The following RCOR2 variants were observed in gnomAD, a reference collection of about 807,000 sequenced individuals.
RCOR2 encodes REST corepressor 2.
A neutral mutation model predicts 58.9 loss-of-function variants in RCOR2; 19 were observed. That is an observed-to-expected ratio of 0.32 (90% confidence interval 0.23 to 0.47). The LOEUF is 0.47. Among genes scored for constraint, RCOR2 ranks in the 20% least tolerant of loss-of-function variants. The probability of loss-of-function intolerance (pLI) is 1.00; values close to 1 mark genes in which losing one functional copy is unlikely to be tolerated. For missense variants in RCOR2, 590 were observed against 707.9 expected (o/e 0.83, Z 1.89); for synonymous variants, 286 against 278.7 (o/e 1.03, Z -0.26).
upstream of RCOR2, among the ~76,000 whole-genome samples, chr11:63,921,275 C>T (rs1941914584): frequency 6.6e-6 from 1 of 152,212 alleles, no homozygotes; most frequent in South Asian, 2.1e-4. Flanking sequence ...ACCTGGACAA[C>T]AGCTGCGCCC....
At chr11:63,925,692 C>G in the RCOR2 span, among the ~76,000 whole-genome samples, 1 of 151,688 alleles carries the variant, frequency 6.6e-6, no homozygotes, top group East Asian at 1.9e-4. Flanking sequence ...GTGGCACGTG[C>G]CTGTGGTCCC....
rs1265827392 is a variant in RCOR2 at position 63,914,666 on chromosome 11, T to A, written c.469A>T (p.Ile157Phe). ...TGGAAGGGCTTTACCATCTGCTGGA[T>A]CCGCTGGAAGCATTTGCCATGGAAG... The part of the protein sequence containing the change: ...FGFHGKCFQR[I>F]QQMLPDKLIP... Residue 157 changes from isoleucine (I) to phenylalanine (F), a missense_variant, in exon 5 of 12, where the codon ATC (isoleucine) becomes TTC (phenylalanine). Around this residue, in one of 3 missense-constraint regions of RCOR2, gnomAD observed 390 missense variants for 478.7 expected, o/e 0.81. Transcript: ENST00000301459. 1 of 1,606,504 alleles carries A rather than the reference T, an allele frequency of 6.2e-7. No individual in the cohort carries two copies. The highest frequency in any genetic ancestry group is 8.5e-7 in the Non-Finnish European group (1 of 1,175,956).
At chr11:63,913,186 T>TATATATATA (rs1941804543) in intron 8 of RCOR2, among the ~76,000 whole-genome samples, 1 of 66,304 alleles carries the variant, frequency 1.5e-5, no homozygotes, top group African/African-American at 4.8e-5. Flanking sequence ...ATATATATAT[T>TATATATATA]TTTTTTTTTT....
upstream of RCOR2, among the ~76,000 whole-genome samples, chr11:63,921,249 G>T (rs868683378): frequency 3.9e-5 from 6 of 152,278 alleles, no homozygotes; most frequent in Middle Eastern, 3.4e-3. Context: ...GGGGTGGGGG[G>T]CCTCCCCTTG....
the RCOR2 span, among the ~76,000 whole-genome samples, chr11:63,926,783 T>TG: frequency 5.6e-5 from 6 of 106,790 alleles, no homozygotes; most frequent in Non-Finnish European, 1.1e-4. Flanking sequence ...TGGCCTGTTT[T>TG]TTTTTTTTGT....
At chr11:63,915,488 G>T in intron 2 of RCOR2, 67 bp downstream of exon 2, 1 of 1,490,658 alleles carries the variant, frequency 6.7e-7, no homozygotes. Context: ...GGCGCCCCAG[G>T]TGGGGCTGCA....
rs1467549064 is a variant in RCOR2, at chr11:63,915,500, G to GTT, written c.184+54_184+55insAA. On this transcript the variant is annotated intron_variant, in intron 2 of 11. Transcript: ENST00000301459. ...AAGGGCGCCCCAGGTGGGGCTGCAG[G>GTT]CCAAGCCCCGGGCCTCCACCCCCAC... The GTT allele has an allele frequency of 2.0e-6, 3 of 1,523,588 alleles. No individual in the cohort carries two copies. The African/African-American group carries it at 4.1e-5, about 21-fold the overall frequency. The allele number at this position is 1,523,588 out of a possible 1,614,324, so 94.4% of individuals were successfully genotyped here.
At chr11:63,923,771 G>C in the RCOR2 span, among the ~76,000 whole-genome samples, 12 of 152,232 alleles carry the variant, frequency 7.9e-5, no homozygotes, top group African/African-American at 2.9e-4. Flanking sequence ...CCCAGGCTGT[G>C]AACCCTATAT....
upstream of RCOR2, among the ~76,000 whole-genome samples, chr11:63,919,748 T>G (rs1941904094): frequency 3.3e-5 from 5 of 152,102 alleles, no homozygotes; most frequent in Admixed American, 2.0e-4. Context: ...GCCGGAGGGC[T>G]CCCGGGAATG....
chr11:63,911,653 GGCCCCTGA>G lies in RCOR2; in HGVS notation c.*204_*211del. On this transcript the variant is annotated 3_prime_UTR_variant, in exon 12 of 12. Transcript: ENST00000301459. ...GAAAGTGCCCTCAGGCCAGCTCAAA[GGCCCCTGA>G]GCCCGGCCATGGCCCCAGGAGACAG... 3 of 707,072 alleles carry G rather than the reference GGCCCCTGA, an allele frequency of 4.2e-6. No homozygotes were observed. Among genetic ancestry groups the G allele is most frequent in the Non-Finnish European group, 6.2e-6 (3 of 480,574 alleles). 43.8% of individuals were successfully genotyped at this position (707,072 alleles called of 1,614,324 possible). A position where few individuals can be genotyped will look rare whatever the true frequency, so the allele number is the denominator to read the frequency against.
the RCOR2 span, among the ~76,000 whole-genome samples, chr11:63,922,878 A>C: frequency 6.6e-6 from 1 of 152,002 alleles, no homozygotes; most frequent in African/African-American, 2.4e-5. Context: ...ACCCATCTGC[A>C]TGCCCCATGC....
At chr11:63,915,435 C>G in intron 2 of RCOR2, 120 bp downstream of exon 2, 1 of 1,199,546 alleles carries the variant, frequency 8.3e-7, no homozygotes, top group Non-Finnish European at 1.2e-6. Flanking sequence ...GCTGGGGGGC[C>G]ACCCACCCCT....
upstream of RCOR2, among the ~76,000 whole-genome samples, chr11:63,918,022 C>T (rs1590738193): frequency 6.6e-6 from 1 of 152,118 alleles, no homozygotes; most frequent in Non-Finnish European, 1.5e-5. Context: ...AGCCAGCGCA[C>T]ACACCGGCGG....
chr11:63,916,409 G>A lies in RCOR2; in HGVS notation c.48C>T (p.Ser16=), dbSNP rs765267072. ...TGGGCACCGTCTTGGCCCGGCTACG[G>A]GACAGGATCCCAGAGCCCGCGCTCG... ...EKPSAGSGIL[S]RSRAKTVPNG... is the part of the protein sequence containing the mutation. The change falls in exon 1 of 12, where the codon TCC becomes TCT. Residue 16 remains serine (S), a synonymous_variant. Coordinates refer to ENST00000301459, the MANE Select transcript of RCOR2 (RefSeq NM_173587.4). 4.4e-6 allele frequency: 7 copies of A among 1,607,720 alleles called. No individual in the cohort carries two copies. The African/African-American group carries it at 8.0e-5, about 18-fold the overall frequency.
At chr11:63,916,259 C>A in intron 1 of RCOR2, 71 bp downstream of exon 1, 1 of 1,358,036 alleles carries the variant, frequency 7.4e-7, no homozygotes, top group South Asian at 1.3e-5. Flanking sequence ...TGGTCTGCAA[C>A]TCTTCCCCCT....
In RCOR2 at chr11:63,915,510, G is replaced by A. The variant is rs1458092977; in HGVS notation, c.184+45C>T. ...CAGGTGGGGCTGCAGGCCAAGCCCC[G>A]GGCCTCCACCCCCACCCCACTTCAC... On this transcript the variant is annotated intron_variant, in intron 2 of 11. Coordinates refer to ENST00000301459, the MANE Select transcript of RCOR2 (RefSeq NM_173587.4). The A allele has an allele frequency of 5.9e-6, 9 of 1,535,126 alleles. No homozygotes were observed. The Admixed American group carries it at 7.8e-5, about 13-fold the overall frequency.
Position 63,916,495 on chromosome 11 carries a change from G to T in RCOR2, c.-39C>A. ...TGCCCCGGGGGGCGCAGGAGCCTTC[G>T]GAGAGCGACAGTGGTTGCCGCACTC... On this transcript the variant is annotated 5_prime_UTR_variant, in exon 1 of 12. Transcript: ENST00000301459. 6.3e-7 allele frequency: 1 copy of T among 1,586,536 alleles called. No homozygotes were observed.
chr11:63,912,976 C>T (rs774837070), intron 8 of RCOR2, 29 bp from the exon 9 acceptor site: 2 of 1,597,376 alleles, frequency 1.3e-6, no homozygotes, highest in Non-Finnish European at 1.7e-6. Context: ...GGAGGAATAT[C>T]AGACTCCCAT....
chr11:63,925,635 T>G, the RCOR2 span, among the ~76,000 whole-genome samples: 1 of 148,724 alleles, frequency 6.7e-6, no homozygotes, highest in Non-Finnish European at 1.5e-5. Flanking sequence ...TTGGGCAACA[T>G]GACAAGACCC....
Sources: allele counts gnomAD v4.1 joint callset (sites outside exome capture counted in the v4.1 genomes callset), GRCh38; gene constraint gnomAD v4.1.1; regional missense constraint gnomAD v4.1.1; transcripts MANE v1.5; gene names NCBI Gene and HGNC (gene_info 2026-07-23, HGNC 2026-07-21).